Variants in BBS9 observed in about 807,000 individuals in gnomAD.
BBS9 encodes Bardet-Biedl syndrome 9, also known as protein PTHB1.
BBS9 carries 89 observed loss-of-function variants against 117.7 expected under a neutral mutation model. The observed-to-expected ratio is 0.76, with a 90% CI of 0.64 to 0.90. The LOEUF is 0.90. BBS9 is among the 40% of genes least tolerant of loss of function. The pLI is 0.00. For missense variants in BBS9, 982 were observed against 1,042.2 expected (o/e 0.94, Z 0.80); for synonymous variants, 379 against 370.9 (o/e 1.02, Z -0.25).
chr7:33,255,951 A>G (rs905789682), intron 5 of BBS9, among the ~76,000 whole-genome samples: 1 of 152,012 alleles, frequency 6.6e-6, no homozygotes, highest in African/African-American at 2.4e-5. Flanking sequence ...AGGTCAAGAG[A>G]TCGAGACCAT....
chr7:33,424,451 A>G (rs1393692066), intron 19 of BBS9, among the ~76,000 whole-genome samples: 5 of 152,194 alleles, frequency 3.3e-5, no homozygotes, highest in Admixed American at 3.3e-4. Context: ...ATTTCAAACG[A>G]GAAGAGATGT....
intron 21 of BBS9, among the ~76,000 whole-genome samples, chr7:33,537,618 C>T (rs112265152): frequency 0.031 from 4,715 of 152,214 alleles, 91 homozygotes; most frequent in African/African-American, 0.055. Context: ...AAAGGGCCAC[C>T]TGATTAGTGT....
intron 9 of BBS9, among the ~76,000 whole-genome samples, chr7:33,308,784 T>C (rs902975533): frequency 2.0e-5 from 3 of 152,196 alleles, no homozygotes; most frequent in African/African-American, 4.8e-5. Context: ...GTACTTATTG[T>C]TCCTCAATCC....
Position 33,509,234 on chromosome 7 carries a change from C to T in BBS9, c.2298+3589C>T, listed in dbSNP as rs147211598. On this transcript the variant is annotated intron_variant, in intron 20 of 22. Transcript: ENST00000242067. ...CTTCGGACTTATACTGTTGAGACAGCTTATACATCTTGAGAAAAAAGGAAA... is the reference window on the plus strand; with the variant it reads ...CTTCGGACTTATACTGTTGAGACAGTTTATACATCTTGAGAAAAAAGGAAA... Among the ~76,000 whole-genome samples the T allele has an allele frequency of 1.0e-3, 155 of 152,264 alleles. 1 individual carries two copies. The highest frequency in any genetic ancestry group is 3.4e-3 in the African/African-American group (141 of 41,562).
chr7:33,309,578 T>A (rs147748148), intron 9 of BBS9, among the ~76,000 whole-genome samples: 60 of 152,238 alleles, frequency 3.9e-4, no homozygotes, highest in Non-Finnish European at 7.4e-4. Context: ...AGTGATATTA[T>A]AAGAAATAAG....
At chr7:33,505,346 G>T in intron 19 of BBS9, 117 bp from the exon 20 acceptor site, 1 of 973,582 alleles carries the variant, frequency 1.0e-6, no homozygotes, top group Non-Finnish European at 1.6e-6. Context: ...GCTTGTGTTT[G>T]TGGAAGACAA....
chr7:33,517,214 A>G (rs2129035883), intron 20 of BBS9, among the ~76,000 whole-genome samples: 1 of 152,180 alleles, frequency 6.6e-6, no homozygotes, highest in Admixed American at 6.5e-5. Flanking sequence ...GAGCATTATT[A>G]TGTGCTAGGC....
chr7:33,438,409 T>A (rs1182005196), intron 19 of BBS9, among the ~76,000 whole-genome samples: 2 of 152,198 alleles, frequency 1.3e-5, no homozygotes, highest in Non-Finnish European at 2.9e-5. Context: ...ATATTTTTAA[T>A]TCATTCTACC....
chr7:33,346,321 T>C (rs1253918866), intron 12 of BBS9: 1 of 465,168 alleles, frequency 2.1e-6, no homozygotes, highest in South Asian at 1.6e-5. Flanking sequence ...AAGATGTGGC[T>C]ACCTTGAGTA....
At chr7:33,398,639 G>T (rs1828406657) in intron 19 of BBS9, among the ~76,000 whole-genome samples, 1 of 152,282 alleles carries the variant, frequency 6.6e-6, no homozygotes, top group South Asian at 2.1e-4. Flanking sequence ...ATTTGTTCAA[G>T]TCACAAATGT....
chr7:33,228,611 A>G (rs1337936073), intron 5 of BBS9, among the ~76,000 whole-genome samples: 1 of 152,192 alleles, frequency 6.6e-6, no homozygotes, highest in Non-Finnish European at 1.5e-5. Flanking sequence ...TACTGATAAC[A>G]TAAACAGTTG....
At chr7:33,174,231 A>G (rs947685781) in intron 4 of BBS9, among the ~76,000 whole-genome samples, 1 of 152,188 alleles carries the variant, frequency 6.6e-6, no homozygotes, top group African/African-American at 2.4e-5. Flanking sequence ...CATGATCCCC[A>G]GTTGCTGTGA....
At chr7:33,622,516 C>T (rs1344134661) in intron 21 of BBS9, among the ~76,000 whole-genome samples, 1 of 152,022 alleles carries the variant, frequency 6.6e-6, no homozygotes, top group African/African-American at 2.4e-5. Flanking sequence ...CATTTCACAG[C>T]GTATACACAT....
intron 19 of BBS9, among the ~76,000 whole-genome samples, 162 bp downstream of exon 19, chr7:33,388,306 G>A (rs747501768): frequency 1.3e-5 from 2 of 152,192 alleles, no homozygotes; most frequent in African/African-American, 4.8e-5. Context: ...TAGGTTCAAA[G>A]TCAAACTCTG....
chr7:33,294,284 A>G (rs55934422), intron 9 of BBS9, among the ~76,000 whole-genome samples: 12,782 of 149,988 alleles, frequency 0.085, 585 homozygotes, highest in South Asian at 0.13. Flanking sequence ...ACTTCCATCT[A>G]TCTATCATCT....
At chr7:33,356,224 T>C (rs1190305015) in intron 15 of BBS9, among the ~76,000 whole-genome samples, 2 of 151,870 alleles carry the variant, frequency 1.3e-5, no homozygotes, top group African/African-American at 4.8e-5. Context: ...ACTCAGTGGG[T>C]GTATTTCCAT....
chr7:33,534,738 G>A (rs1209369588), intron 21 of BBS9, among the ~76,000 whole-genome samples: 2 of 152,110 alleles, frequency 1.3e-5, no homozygotes, highest in Non-Finnish European at 2.9e-5. Context: ...ATGGTCGTGG[G>A]CACCCAGGGC....
intron 5 of BBS9, among the ~76,000 whole-genome samples, chr7:33,190,891 A>G (rs1359573546): frequency 6.6e-6 from 1 of 152,246 alleles, no homozygotes; most frequent in Non-Finnish European, 1.5e-5. Flanking sequence ...ATATCAGTGA[A>G]TAATTAACTG....
intron 19 of BBS9, among the ~76,000 whole-genome samples, chr7:33,436,322 T>C (rs1193232149): frequency 6.6e-6 from 1 of 152,196 alleles, no homozygotes; most frequent in Non-Finnish European, 1.5e-5. Context: ...TGTGTTGTAG[T>C]GTACTTGATG....
Sources: allele counts gnomAD v4.1 joint callset (sites outside exome capture counted in the v4.1 genomes callset), GRCh38; gene constraint gnomAD v4.1.1; transcripts MANE v1.5; gene names NCBI Gene and HGNC (gene_info 2026-07-23, HGNC 2026-07-21).